The following AFG2A variants were observed in gnomAD, a reference collection of about 807,000 sequenced individuals.
AFG2A encodes the protein ATPase family gene 2 protein homolog A.
chr4:123,319,276 T>C, the AFG2A span: 2 of 152,198 alleles, frequency 1.3e-5, no homozygotes, highest in African/African-American at 4.8e-5. Context: ...AGAATAAAGG[T>C]ATTGTACTGG....
the AFG2A span, among the ~76,000 whole-genome samples, chr4:123,036,773 A>T: frequency 0.83 from 126,548 of 152,004 alleles, 53,851 homozygotes; most frequent in East Asian, 0.97. Context: ...ATTATACTTT[A>T]TGAGAGGAAC....
chr4:123,118,381 C>T, the AFG2A span, among the ~76,000 whole-genome samples: 10 of 129,740 alleles, frequency 7.7e-5, no homozygotes, highest in East Asian at 2.1e-3. Flanking sequence ...TTTCAATACC[C>T]ATTTCTCCCA....
At chr4:123,316,453 G>C in the AFG2A span, 4 of 152,126 alleles carry the variant, frequency 2.6e-5, no homozygotes, top group African/African-American at 9.7e-5. Context: ...CTTCCATATT[G>C]AAATAAATAC....
chr4:122,947,104 G>T, the AFG2A span: 1,084 of 757,236 alleles, frequency 1.4e-3, 6 homozygotes, highest in Non-Finnish European at 1.9e-3. Context: ...TAATGAAAGC[G>T]TAAGAAATAG....
chr4:122,944,620 C>G, the AFG2A span, among the ~76,000 whole-genome samples: 1 of 152,202 alleles, frequency 6.6e-6, no homozygotes, highest in Non-Finnish European at 1.5e-5. Flanking sequence ...TCGTCTGAAG[C>G]CTTCCTCTCT....
the AFG2A span, among the ~76,000 whole-genome samples, chr4:123,006,210 A>T: frequency 1.3e-5 from 2 of 151,626 alleles, no homozygotes; most frequent in Non-Finnish European, 2.9e-5. Context: ...GTGTTCTTTA[A>T]TGGTTTTGCT....
the AFG2A span, among the ~76,000 whole-genome samples, chr4:123,054,649 C>T: frequency 6.6e-6 from 1 of 151,690 alleles, no homozygotes; most frequent in Non-Finnish European, 1.5e-5. Context: ...ACCCAGGAGG[C>T]GGAGCTTGCA....
the AFG2A span, among the ~76,000 whole-genome samples, chr4:123,284,593 A>G: frequency 5.3e-5 from 8 of 152,230 alleles, no homozygotes; most frequent in Non-Finnish European, 1.2e-4. Flanking sequence ...AAGGAAAATT[A>G]TTTGACAATG....
chr4:123,255,993 A>G, the AFG2A span: 1 of 1,613,356 alleles, frequency 6.2e-7, no homozygotes, highest in Non-Finnish European at 8.5e-7. Flanking sequence ...CAGTTAATTC[A>G]TGTTGCCTCA....
chr4:123,158,026 T>TAC, the AFG2A span, among the ~76,000 whole-genome samples: 12 of 151,942 alleles, frequency 7.9e-5, no homozygotes, highest in South Asian at 4.2e-4. Context: ...CTTTTTCAAA[T>TAC]ACACACACAC....
At chr4:123,056,287 G>T in the AFG2A span, 9 of 1,117,608 alleles carry the variant, frequency 8.1e-6, no homozygotes, top group African/African-American at 1.5e-4. Context: ...AGCAGATTTT[G>T]TTTATTTTCT....
chr4:123,011,749 T>A, the AFG2A span, among the ~76,000 whole-genome samples: 1 of 151,942 alleles, frequency 6.6e-6, no homozygotes, highest in Non-Finnish European at 1.5e-5. Context: ...GAACACAGGC[T>A]AAGGGAGAAG....
the AFG2A span, among the ~76,000 whole-genome samples, chr4:123,209,061 C>A: frequency 6.6e-6 from 1 of 152,010 alleles, no homozygotes; most frequent in Non-Finnish European, 1.5e-5. Flanking sequence ...TCATCTGTAT[C>A]CTTTGTGATA....
At chr4:122,942,329 CAG>C in the AFG2A span, among the ~76,000 whole-genome samples, 1 of 150,242 alleles carries the variant, frequency 6.7e-6, no homozygotes, top group Non-Finnish European at 1.5e-5. Context: ...TTGGTCTATT[CAG>C]AGATTCAACT....
chr4:123,090,872 GGT>G, the AFG2A span, among the ~76,000 whole-genome samples: 26 of 152,210 alleles, frequency 1.7e-4, no homozygotes, highest in African/African-American at 5.8e-4. Flanking sequence ...GTCTGAGTCT[GGT>G]AAGACAGAAC....
the AFG2A span, among the ~76,000 whole-genome samples, chr4:123,002,023 T>G: frequency 1.3e-5 from 2 of 152,222 alleles, no homozygotes; most frequent in Admixed American, 1.3e-4. Context: ...GATAGTTAGC[T>G]CTTCTTGTTG....
chr4:123,090,927 G>T, the AFG2A span, among the ~76,000 whole-genome samples: 2 of 152,186 alleles, frequency 1.3e-5, no homozygotes, highest in Admixed American at 1.3e-4. Context: ...ACCACTTCTG[G>T]ATAGGCAGCA....
At chr4:123,169,145 G>A in the AFG2A span, among the ~76,000 whole-genome samples, 1 of 152,152 alleles carries the variant, frequency 6.6e-6, no homozygotes, top group Non-Finnish European at 1.5e-5. Context: ...AGTAAGTGAG[G>A]GCTCAAGTGA....
At chr4:122,929,203 G>A in the AFG2A span, 1 of 1,559,758 alleles carries the variant, frequency 6.4e-7, no homozygotes, top group Non-Finnish European at 8.6e-7. Flanking sequence ...CTGAGGTTTG[G>A]CTCTTTTCTT....
Sources: gnomAD v4.1 joint callset for allele counts (sites outside exome capture counted in the v4.1 genomes callset) on GRCh38, gnomAD v4.1.1 for gene constraint, MANE v1.5 for transcripts, NCBI Gene and HGNC (gene_info 2026-07-23, HGNC 2026-07-21) for gene names.